AFF2: variants seen among roughly 807,000 people sequenced by gnomAD.
AFF2 encodes ALF transcription elongation factor 2.
AFF2 carries 14 observed loss-of-function variants against 76.9 expected under a neutral mutation model. That is an observed-to-expected ratio of 0.18 (90% CI 0.12 to 0.28). AFF2 has a LOEUF of 0.28. Ranked by LOEUF, AFF2 falls within the 10% of genes least tolerant of loss-of-function variation. The pLI is 1.00. For missense variants in AFF2, 868 were observed against 1,001.1 expected, an observed-to-expected ratio of 0.87 and a Z score of 1.79; for synonymous variants, 398 against 366.7, an observed-to-expected ratio of 1.09 and a Z score of -0.98.
At chrX:148,978,676 C>T (rs1412586147) in intron 18 of AFF2, among the ~76,000 whole-genome samples, 2 of 112,047 alleles carry the variant, frequency 1.8e-5, no homozygotes, top group Admixed American at 9.4e-5. Context: ...GACTTTTTTC[C>T]AGACTCACCA....
chrX:148,656,735 C>A (rs1257726118), intron 2 of AFF2, among the ~76,000 whole-genome samples: 1 of 109,421 alleles, frequency 9.1e-6, no homozygotes, highest in Non-Finnish European at 1.9e-5. Flanking sequence ...CTCCTGACCT[C>A]GTGATCCGCC....
At chrX:148,910,871 T>C (rs1410376601) in intron 9 of AFF2, among the ~76,000 whole-genome samples, 1 of 111,788 alleles carries the variant, frequency 8.9e-6, no homozygotes, top group Non-Finnish European at 1.9e-5. Flanking sequence ...TTGATAGACC[T>C]GGGTTCTAGT....
At chrX:148,882,206 CA>C (rs1299238830) in intron 7 of AFF2, among the ~76,000 whole-genome samples, 1 of 111,683 alleles carries the variant, frequency 9.0e-6, no homozygotes, top group Non-Finnish European at 1.9e-5. Flanking sequence ...TAGAATGTTT[CA>C]GTGCAAAGAG....
At chrX:148,884,491 CT>C (rs1479736838) in intron 7 of AFF2, among the ~76,000 whole-genome samples, 2 of 112,918 alleles carry the variant, frequency 1.8e-5, no homozygotes, top group Non-Finnish European at 3.7e-5. Context: ...TCCCTTCTGG[CT>C]TCTCTTCTGG....
chrX:148,955,021 C>T (rs145325745), intron 10 of AFF2, among the ~76,000 whole-genome samples: 41 of 112,678 alleles, frequency 3.6e-4, no homozygotes, highest in Admixed American at 2.3e-3. Flanking sequence ...CATACACCGA[C>T]GAAAGCTCAG....
chrX:148,802,326 G>T (rs2070070444), intron 3 of AFF2, among the ~76,000 whole-genome samples: 1 of 112,009 alleles, frequency 8.9e-6, no homozygotes, highest in Admixed American at 9.5e-5. Flanking sequence ...GTGTGTGTGT[G>T]TGCCAGTATG....
At chrX:148,888,824 C>T (rs1198980550) in intron 8 of AFF2, among the ~76,000 whole-genome samples, 2 of 111,397 alleles carry the variant, frequency 1.8e-5, no homozygotes, top group Non-Finnish European at 3.8e-5. Flanking sequence ...ATTGCGGAGT[C>T]ATTCCATTTG....
chrX:148,639,384 C>T (rs1557254338), intron 1 of AFF2, among the ~76,000 whole-genome samples: 2 of 111,975 alleles, frequency 1.8e-5, no homozygotes, highest in African/African-American at 6.5e-5. Context: ...TCTCAATATA[C>T]CCCCAGCTCC....
intron 9 of AFF2, among the ~76,000 whole-genome samples, chrX:148,952,695 A>C (rs1557286761): frequency 8.9e-6 from 1 of 112,314 alleles, no homozygotes; most frequent in African/African-American, 3.2e-5. Flanking sequence ...AGTATTATTT[A>C]TCAATAAAGG....
intron 1 of AFF2, among the ~76,000 whole-genome samples, chrX:148,558,994 G>T (rs1422556883): frequency 1.8e-5 from 2 of 110,674 alleles, no homozygotes; most frequent in African/African-American, 6.6e-5. Context: ...GTGAGATAGT[G>T]GTAATAGGAG....
chrX:148,983,431 T>C (rs2072419479), intron 19 of AFF2, among the ~76,000 whole-genome samples: 3 of 112,085 alleles, frequency 2.7e-5, no homozygotes, highest in Admixed American at 9.4e-5. Flanking sequence ...TGCAGAGTTA[T>C]GGTGAGGCTT....
intron 1 of AFF2, among the ~76,000 whole-genome samples, chrX:148,622,977 G>A (rs191488667): frequency 2.7e-5 from 3 of 112,169 alleles, no homozygotes. Context: ...ATCCTGGCAA[G>A]GAGGCTGATG....
chrX:148,677,015 G>A (rs1387550785), intron 3 of AFF2, among the ~76,000 whole-genome samples: 1 of 110,865 alleles, frequency 9.0e-6, no homozygotes, highest in Non-Finnish European at 1.9e-5. Context: ...GGTGAGATTC[G>A]AGGCAGAAAG....
intron 1 of AFF2, among the ~76,000 whole-genome samples, chrX:148,544,496 G>GC (rs1406439238): frequency 8.9e-6 from 1 of 112,178 alleles, no homozygotes; most frequent in Non-Finnish European, 1.9e-5. Flanking sequence ...GTGTGAGTGT[G>GC]CACACATGTG....
intron 2 of AFF2, among the ~76,000 whole-genome samples, chrX:148,658,166 G>A (rs1303412256): frequency 1.8e-5 from 2 of 111,770 alleles, no homozygotes; most frequent in Non-Finnish European, 3.8e-5. Context: ...TGTGTCCTCT[G>A]TGCGTAACCC....
intron 1 of AFF2, among the ~76,000 whole-genome samples, chrX:148,536,449 A>G (rs1316817143): frequency 1.8e-5 from 2 of 111,170 alleles, no homozygotes; most frequent in Non-Finnish European, 3.8e-5. Flanking sequence ...TAGCTGCCCA[A>G]TTGAAATGAC....
chrX:148,656,600 C>T (rs901571381), intron 2 of AFF2, among the ~76,000 whole-genome samples: 1 of 100,627 alleles, frequency 9.9e-6, no homozygotes, highest in Non-Finnish European at 2.0e-5. Context: ...CCCGGGTTCA[C>T]GCCATTCTCC....
intron 1 of AFF2, among the ~76,000 whole-genome samples, chrX:148,578,890 C>T (rs1367123425): frequency 2.7e-5 from 3 of 111,669 alleles, no homozygotes; most frequent in East Asian, 2.8e-4. Flanking sequence ...TAGAAAGGCA[C>T]CCCTCCCCAG....
At chrX:148,745,063 G>A (rs1220290012) in intron 3 of AFF2, among the ~76,000 whole-genome samples, 3 of 111,720 alleles carry the variant, frequency 2.7e-5, no homozygotes, top group African/African-American at 6.5e-5. Flanking sequence ...CCTGGCTCCC[G>A]AGTTAGGTGG....
Sources: allele counts gnomAD v4.1 joint callset (sites outside exome capture counted in the v4.1 genomes callset), GRCh38; gene constraint gnomAD v4.1.1; transcripts MANE v1.5; gene names NCBI Gene and HGNC (gene_info 2026-07-23, HGNC 2026-07-21).